The following DCAF17 variants were observed in gnomAD, a reference collection of about 807,000 sequenced individuals.
DCAF17 encodes the protein DDB1- and CUL4-associated factor 17.
A neutral mutation model predicts 66.0 loss-of-function variants in DCAF17; 48 were observed. The observed-to-expected ratio is 0.73, with a 90% confidence interval of 0.58 to 0.92. The LOEUF (loss-of-function observed/expected upper bound fraction) is 0.92, where lower values mean the gene tolerates loss of function less well. Ranked by LOEUF, DCAF17 falls within the 40% of genes least tolerant of loss-of-function variation. DCAF17 has a pLI of 0.00. For missense variants in DCAF17, 562 were observed against 622.8 expected, an observed-to-expected ratio of 0.90 and a Z score of 1.04; for synonymous variants, 206 against 214.6, an observed-to-expected ratio of 0.96 and a Z score of 0.35.
At chr2:171,478,514 T>A (rs1226201250) in intron 12 of DCAF17, among the ~76,000 whole-genome samples, 1 of 152,176 alleles carries the variant, frequency 6.6e-6, no homozygotes, top group African/African-American at 2.4e-5. Flanking sequence ...GCATGATAAA[T>A]CAGTTCAGCT....
chr2:171,484,391 C>A lies in DCAF17; in HGVS notation c.*3277C>A. Reference sequence around the variant, plus strand: ...TTATTATGAAAAATGTTCAAACATACAGTAAAATTGAAAGAATTTTATAGT... The same window carrying A: ...TTATTATGAAAAATGTTCAAACATAAAGTAAAATTGAAAGAATTTTATAGT... On this transcript the variant is annotated 3_prime_UTR_variant, in exon 14 of 14. Transcript: ENST00000375255. 1 of 389,878 alleles carries A rather than the reference C, an allele frequency of 2.6e-6. No individual in the cohort carries two copies. Among genetic ancestry groups the A allele is most frequent in the Non-Finnish European group, 4.9e-6 (1 of 202,166 alleles). 24.2% of individuals were successfully genotyped at this position (389,878 alleles called of 1,614,324 possible). A position where few individuals can be genotyped will look rare whatever the true frequency, so the allele number is the denominator to read the frequency against.
At chr2:171,448,612 G>C (rs1559263697) in intron 3 of DCAF17, 69 bp from the exon 4 acceptor site, 1 of 1,376,302 alleles carries the variant, frequency 7.3e-7, no homozygotes. Context: ...TATTTTCTTT[G>C]GACATTGATT....
chr2:171,477,522 G>A (rs917235547), intron 11 of DCAF17, among the ~76,000 whole-genome samples: 6 of 152,060 alleles, frequency 3.9e-5, no homozygotes, highest in Non-Finnish European at 5.9e-5. Flanking sequence ...AGCCGGGCAT[G>A]GTGGCTCACA....
chr2:171,449,987 A>G (rs935361609), intron 5 of DCAF17, 30 bp downstream of exon 5: 2 of 1,547,418 alleles, frequency 1.3e-6, no homozygotes, highest in East Asian at 4.5e-5. Flanking sequence ...CAATAAAATG[A>G]AGACTCTTTT....
At chr2:171,465,144 G>A (rs947572398) in intron 8 of DCAF17, among the ~76,000 whole-genome samples, 3 of 151,768 alleles carry the variant, frequency 2.0e-5, no homozygotes, top group African/African-American at 7.3e-5. Context: ...GTTGCAGTGA[G>A]CCGAGATTGC....
chr2:171,437,497 G>A (rs979277853), intron 2 of DCAF17, among the ~76,000 whole-genome samples: 4 of 152,146 alleles, frequency 2.6e-5, no homozygotes, highest in Non-Finnish European at 5.9e-5. Context: ...CTGCTGCTGT[G>A]TTATTTCTTC....
At position 171,484,889 on chromosome 2, in the gene DCAF17, C is replaced by G. The variant is rs190749922; in HGVS notation, c.*3775C>G. On this transcript the variant is annotated 3_prime_UTR_variant, in exon 14 of 14. Transcript: ENST00000375255. ...TAGCATAATGTTTTTGAGATTTATT[C>G]ATGTTGTTGCATGTGTCAGTGATTC... 1 of 453,732 alleles carries G rather than the reference C, an allele frequency of 2.2e-6. No individual in the cohort carries two copies. Among genetic ancestry groups the G allele is most frequent in the Non-Finnish European group, 4.4e-6 (1 of 226,692 alleles). The allele number at this position is 453,732 out of a possible 1,614,324, so 28.1% of individuals were successfully genotyped here. A position where few individuals can be genotyped will look rare whatever the true frequency, so the allele number is the denominator to read the frequency against.
At chr2:171,463,914 G>A (rs1259312137) in intron 8 of DCAF17, among the ~76,000 whole-genome samples, 1 of 152,210 alleles carries the variant, frequency 6.6e-6, no homozygotes, top group Non-Finnish European at 1.5e-5. Flanking sequence ...TTCAGAGCAA[G>A]GAGTTGGTAT....
At chr2:171,479,985 C>G (rs1166885861) in intron 12 of DCAF17, 53 bp from the exon 13 acceptor site, 3 of 1,592,818 alleles carry the variant, frequency 1.9e-6, no homozygotes, top group Non-Finnish European at 1.7e-6. Flanking sequence ...ATAAGCCTAC[C>G]TGAATAACTG....
At chr2:171,442,143 C>T (rs1694340013) in intron 2 of DCAF17, among the ~76,000 whole-genome samples, 2 of 152,164 alleles carry the variant, frequency 1.3e-5, no homozygotes, top group African/African-American at 4.8e-5. Flanking sequence ...TGCCTTCATT[C>T]TTGTGAAACT....
chr2:171,474,488 G>C (rs559562563), intron 10 of DCAF17: 1 of 166,016 alleles, frequency 6.0e-6, no homozygotes, highest in Non-Finnish European at 1.3e-5. Context: ...TTGCTTTCAT[G>C]TTCTTCCTTC....
chr2:171,443,832 T>A (rs1694457041), intron 3 of DCAF17, among the ~76,000 whole-genome samples: 1 of 139,924 alleles, frequency 7.1e-6, no homozygotes, highest in Non-Finnish European at 1.6e-5. Context: ...ATTAGATAGA[T>A]TTTTTTTAGA....
intron 9 of DCAF17, among the ~76,000 whole-genome samples, chr2:171,470,890 C>A (rs773252920): frequency 1.2e-4 from 18 of 151,398 alleles, no homozygotes; most frequent in Non-Finnish European, 2.2e-4. Flanking sequence ...TGGAAATATT[C>A]AGAAAAAAAA....
intron 3 of DCAF17, among the ~76,000 whole-genome samples, chr2:171,446,608 A>T (rs1407624153): frequency 2.6e-5 from 4 of 152,126 alleles, no homozygotes; most frequent in African/African-American, 4.8e-5. Flanking sequence ...AGTGATAAAC[A>T]TTCAGGAAAT....
intron 3 of DCAF17, among the ~76,000 whole-genome samples, chr2:171,446,973 C>G (rs10445722): frequency 0.2 from 30,648 of 152,016 alleles, 3,233 homozygotes; most frequent in South Asian, 0.28. Flanking sequence ...AATGTATTGT[C>G]TTTACTATCA....
At chr2:171,435,970 T>C (rs751224010) in intron 2 of DCAF17, among the ~76,000 whole-genome samples, 1 of 152,224 alleles carries the variant, frequency 6.6e-6, no homozygotes, top group Non-Finnish European at 1.5e-5. Flanking sequence ...ACCATGTACC[T>C]TTAAGCAGTC....
intron 10 of DCAF17, among the ~76,000 whole-genome samples, chr2:171,475,944 T>A (rs973589175): frequency 5.3e-5 from 8 of 152,224 alleles, no homozygotes; most frequent in Non-Finnish European, 1.2e-4. Context: ...TAATGTTTGT[T>A]ACCACCCATA....
intron 10 of DCAF17, among the ~76,000 whole-genome samples, 169 bp from the exon 11 acceptor site, chr2:171,476,691 G>A (rs546582830): frequency 6.6e-6 from 1 of 152,246 alleles, no homozygotes; most frequent in South Asian, 2.1e-4. Context: ...GAATTTGAAG[G>A]AGTTCATGGA....
rs1192400832 is a variant in DCAF17, at chr2:171,434,312, C to T, written c.-266C>T. On this transcript the variant is annotated 5_prime_UTR_variant, in exon 1 of 14. Transcript: ENST00000375255. ...GGCCGGCCGCGCGGTACCGGAGCGT[C>T]GCACTGTCAGCGGCCAGAGAGCCTG... 3.1e-6 allele frequency: 2 copies of T among 636,012 alleles called. No homozygotes were observed. The highest frequency in any genetic ancestry group is 2.9e-6 in the Non-Finnish European group (1 of 350,530). The allele number at this position is 636,012 out of a possible 1,614,324, so 39.4% of individuals were successfully genotyped here.
Sources: allele counts gnomAD v4.1 joint callset (sites outside exome capture counted in the v4.1 genomes callset), GRCh38; gene constraint gnomAD v4.1.1; transcripts MANE v1.5; gene names NCBI Gene and HGNC (gene_info 2026-07-23, HGNC 2026-07-21).